The following HIBCH variants were observed in gnomAD, a reference collection of about 807,000 sequenced individuals.
HIBCH encodes the protein 3-hydroxyisobutyryl-CoA hydrolase.
HIBCH carries 50 observed loss-of-function variants against 58.2 expected under a neutral mutation model. That is an observed-to-expected ratio of 0.86 (90% CI 0.68 to 1.09). HIBCH has a LOEUF of 1.09. HIBCH is among the 50% of genes least tolerant of loss of function. HIBCH has a pLI of 0.00. For missense variants in HIBCH, 450 were observed against 449.7 expected, an observed-to-expected ratio of 1.00 and a Z score of -0.01; for synonymous variants, 151 against 146.9, an observed-to-expected ratio of 1.03 and a Z score of -0.20.
chr2:190,273,049 T>TAAAAAAAAA (rs2105966399), intron 6 of HIBCH, among the ~76,000 whole-genome samples: 1 of 152,228 alleles, frequency 6.6e-6, no homozygotes, highest in African/African-American at 2.4e-5. Context: ...AAAAGCTCAT[T>TAAAAAAAAA]AAGAAACTAA....
chr2:190,257,164 G>C (rs1180261126), intron 7 of HIBCH, among the ~76,000 whole-genome samples: 1 of 152,100 alleles, frequency 6.6e-6, no homozygotes, highest in East Asian at 1.9e-4. Flanking sequence ...ATGTGATCAA[G>C]AGAAAATCTT....
chr2:190,291,945 G>A (rs958663228), intron 4 of HIBCH, among the ~76,000 whole-genome samples: 4 of 152,126 alleles, frequency 2.6e-5, no homozygotes, highest in African/African-American at 9.7e-5. Context: ...ACAAAATGTT[G>A]TCTACCAATT....
intron 6 of HIBCH, among the ~76,000 whole-genome samples, chr2:190,267,100 A>T (rs1559043205): frequency 6.6e-6 from 1 of 152,036 alleles, no homozygotes; most frequent in Non-Finnish European, 1.5e-5. Flanking sequence ...TTTTTATTTT[A>T]GAAGACCAAT....
Position 190,217,180 on chromosome 2 carries a change from C to G in HIBCH, c.892-4105G>C, listed in dbSNP as rs1685580712. Among the ~76,000 whole-genome samples the G allele has an allele frequency of 1.3e-5, 2 of 152,198 alleles. No individual in the cohort carries two copies. The highest frequency in any genetic ancestry group is 2.9e-5 in the Non-Finnish European group (2 of 68,028). On this transcript the variant is annotated intron_variant, in intron 11 of 13. Transcript: ENST00000359678. This position sits in a 1 kb window ranked among gnomAD's most constrained non-coding sequence, Gnocchi z 4.6. ...AGTCCCTTGCCTCCCCAAGTTCCTC[C>G]AGGGGTCAGTGGACCCTGGGGAAGT...
intron 6 of HIBCH, among the ~76,000 whole-genome samples, chr2:190,269,333 A>C (rs1687325028): frequency 6.6e-6 from 1 of 152,212 alleles, no homozygotes; most frequent in Non-Finnish European, 1.5e-5. Flanking sequence ...CAAGCTATCC[A>C]TCTGACAAAG....
chr2:190,295,619 A>G (rs291454), intron 3 of HIBCH, among the ~76,000 whole-genome samples: 1 of 152,236 alleles, frequency 6.6e-6, no homozygotes, highest in Non-Finnish European at 1.5e-5. Context: ...TGTAGCTGGA[A>G]AGACGTGATT....
intron 8 of HIBCH, among the ~76,000 whole-genome samples, chr2:190,251,722 G>T (rs1041999113): frequency 1.4e-5 from 2 of 147,426 alleles, no homozygotes; most frequent in African/African-American, 5.0e-5. Flanking sequence ...CGTGTTCCTT[G>T]TAACAGATGT....
intron 11 of HIBCH, among the ~76,000 whole-genome samples, chr2:190,222,875 T>C (rs1012154183): frequency 1.3e-5 from 2 of 152,354 alleles, no homozygotes; most frequent in East Asian, 3.9e-4. Flanking sequence ...CCAATCCAAA[T>C]GTCCATCAAT....
At chr2:190,239,948 C>A (rs1253048994) in intron 11 of HIBCH, among the ~76,000 whole-genome samples, 2 of 152,048 alleles carry the variant, frequency 1.3e-5, no homozygotes, top group African/African-American at 2.4e-5. Flanking sequence ...CCGCACCTGG[C>A]CTTGAAATAT....
At chr2:190,316,611 C>G (rs1688714993) in intron 1 of HIBCH, among the ~76,000 whole-genome samples, 1 of 152,144 alleles carries the variant, frequency 6.6e-6, no homozygotes, top group South Asian at 2.1e-4. Context: ...GCAACAATGG[C>G]TGGGGCTGAG....
At chr2:190,253,384 A>G (rs1164831593) in intron 7 of HIBCH, among the ~76,000 whole-genome samples, 2 of 152,164 alleles carry the variant, frequency 1.3e-5, no homozygotes, top group African/African-American at 4.8e-5. Context: ...ACTTTACAAA[A>G]AAGTTCTAGA....
At chr2:190,234,687 T>G (rs760596016) in intron 11 of HIBCH, among the ~76,000 whole-genome samples, 1 of 151,928 alleles carries the variant, frequency 6.6e-6, no homozygotes, top group South Asian at 2.1e-4. Flanking sequence ...CCATCTCTAC[T>G]AAAAAATATA....
intron 7 of HIBCH, among the ~76,000 whole-genome samples, chr2:190,256,458 A>G (rs1395606900): frequency 6.6e-6 from 1 of 151,144 alleles, no homozygotes; most frequent in South Asian, 2.1e-4. Context: ...AAAAAAAAAA[A>G]TAATAATAAT....
intron 6 of HIBCH, among the ~76,000 whole-genome samples, chr2:190,271,162 T>C (rs939854761): frequency 3.3e-5 from 5 of 151,966 alleles, no homozygotes; most frequent in Non-Finnish European, 4.4e-5. Flanking sequence ...CCTAGACACC[T>C]GAAAGTCATT....
At chr2:190,293,982 A>G (rs1167111892) in intron 4 of HIBCH, among the ~76,000 whole-genome samples, 1 of 147,858 alleles carries the variant, frequency 6.8e-6, no homozygotes. Context: ...AACACGTAAA[A>G]TATACTTACA....
intron 11 of HIBCH, among the ~76,000 whole-genome samples, chr2:190,233,994 C>T (rs1686187805): frequency 6.6e-6 from 1 of 152,180 alleles, no homozygotes; most frequent in African/African-American, 2.4e-5. Flanking sequence ...CCCATCTCTA[C>T]TAAAAATGCA....
chr2:190,254,777 C>T lies in HIBCH; in HGVS notation c.518-2470G>A, dbSNP rs528087577. Among the ~76,000 whole-genome samples, 7 of 152,224 alleles carry T rather than the reference C, an allele frequency of 4.6e-5. No homozygotes were observed. Among genetic ancestry groups the T allele is most frequent in the South Asian group, 2.1e-4 (1 of 4,820 alleles). On this transcript the variant is annotated intron_variant, in intron 7 of 13. Transcript: ENST00000359678. This position sits in a 1 kb window ranked among gnomAD's most constrained non-coding sequence, Gnocchi z 5.0. Reference sequence around the variant, plus strand: ...TCTATTCACTCTTTTCAACTCTATACCTCCAAACTACTCCAAAGCCAAAAT... The same window carrying T: ...TCTATTCACTCTTTTCAACTCTATATCTCCAAACTACTCCAAAGCCAAAAT...
chr2:190,192,642 C>A (rs1689770001), intron 1 of HIBCH, among the ~76,000 whole-genome samples: 1 of 152,044 alleles, frequency 6.6e-6, no homozygotes, highest in Non-Finnish European at 1.5e-5. Context: ...TCTTTCAGAT[C>A]ATGAACAGCA....
chr2:190,298,590 GTTTT>G (rs553718862), intron 2 of HIBCH, among the ~76,000 whole-genome samples: 74 of 149,602 alleles, frequency 4.9e-4, no homozygotes, highest in African/African-American at 1.7e-3. Flanking sequence ...TTTTTGATGG[GTTTT>G]TTTTTTCTTG....
Sources: gnomAD v4.1 joint callset for allele counts (sites outside exome capture counted in the v4.1 genomes callset) on GRCh38, gnomAD v4.1.1 for gene constraint, Gnocchi (gnomAD v3.1) non-coding constraint, MANE v1.5 for transcripts, NCBI Gene and HGNC (gene_info 2026-07-23, HGNC 2026-07-21) for gene names.